The following FAAH2 variants were observed in gnomAD, a reference collection of about 807,000 sequenced individuals.
FAAH2 encodes the protein fatty-acid amide hydrolase 2.
In FAAH2, 60 loss-of-function variants were observed where a neutral mutation model predicts 36.9. The observed-to-expected ratio is 1.63, with a 90% CI of 1.32 to 2.02. FAAH2 has a LOEUF of 2.02. Ranked by LOEUF, FAAH2 falls within the 30% of genes most tolerant of loss-of-function variation. The pLI, the probability that FAAH2 is intolerant of heterozygous loss-of-function variation, is 0.00. For synonymous variants in FAAH2, 214 were observed against 143.8 expected (o/e 1.49, Z -3.49); for missense variants, 689 against 397.5 (o/e 1.73, Z -6.23).
chrX:57,452,688 A>G (rs929187711), intron 10 of FAAH2, among the ~76,000 whole-genome samples: 3 of 112,315 alleles, frequency 2.7e-5, no homozygotes, highest in Non-Finnish European at 5.6e-5. Flanking sequence ...TGAACATCCC[A>G]GAATAACAGA....
intron 10 of FAAH2, among the ~76,000 whole-genome samples, chrX:57,483,581 A>G (rs368661138): frequency 2.7e-4 from 30 of 110,292 alleles, no homozygotes; most frequent in East Asian, 8.5e-4. Context: ...CACAACATTC[A>G]GCTTTTTCAT....
rs1431675 is a variant in FAAH2 at position 57,447,073 on chromosome X, A to T, written c.1228+34A>T. The T allele has an allele frequency of 5.2e-3, 5,273 of 1,004,463 alleles. 264 individuals are homozygous for T. The East Asian group carries it at 0.14, about 27-fold the overall frequency. 82.8% of individuals were successfully genotyped at this position (1,004,463 alleles called of 1,213,427 possible). ...ATCATATTCTACCTAGACCAGTTTG[A>T]TGTCCTGTAATATTTCTTAATATCT... is the stretch of plus-strand genomic sequence containing the variant. On this transcript the variant is annotated intron_variant, in intron 9 of 10. Transcript: ENST00000374900.
the FAAH2 span, among the ~76,000 whole-genome samples, chrX:57,149,723 A>C: frequency 9.0e-6 from 1 of 110,713 alleles, no homozygotes; most frequent in Non-Finnish European, 1.9e-5. Context: ...TGGATTCATT[A>C]ATTTTTTGAA....
the FAAH2 span, among the ~76,000 whole-genome samples, chrX:57,194,957 ATGTG>A: frequency 8.3e-5 from 9 of 108,819 alleles, no homozygotes; most frequent in Admixed American, 6.9e-4. Flanking sequence ...GTGTGTGTGT[ATGTG>A]TGTGTGTGTG....
At chrX:57,474,230 C>A (rs1310649447) in intron 10 of FAAH2, among the ~76,000 whole-genome samples, 1 of 111,273 alleles carries the variant, frequency 9.0e-6, no homozygotes, top group South Asian at 3.7e-4. Flanking sequence ...CTGGGATACA[C>A]GTGTAGAATA....
At chrX:57,195,055 A>G in the FAAH2 span, among the ~76,000 whole-genome samples, 4 of 111,034 alleles carry the variant, frequency 3.6e-5, no homozygotes, top group Non-Finnish European at 5.7e-5. Flanking sequence ...TGTAATTGCA[A>G]ATTCTGCTGC....
chrX:57,161,525 C>T, the FAAH2 span, among the ~76,000 whole-genome samples: 1 of 111,176 alleles, frequency 9.0e-6, no homozygotes, highest in Non-Finnish European at 1.9e-5. Context: ...AAGGACTTGC[C>T]TTATGAATCT....
chrX:57,371,523 T>C (rs892700168), intron 5 of FAAH2, among the ~76,000 whole-genome samples: 3 of 110,877 alleles, frequency 2.7e-5, no homozygotes, highest in South Asian at 7.8e-4. Context: ...TTTCCTATTA[T>C]GAATAGTGCT....
intron 10 of FAAH2, among the ~76,000 whole-genome samples, chrX:57,463,436 C>A (rs765796643): frequency 2.2e-4 from 24 of 111,205 alleles, no homozygotes; most frequent in South Asian, 3.8e-4. Flanking sequence ...AACCAAAACA[C>A]CATAGTATTG....
chrX:57,132,997 G>T, the FAAH2 span, among the ~76,000 whole-genome samples: 1 of 111,397 alleles, frequency 9.0e-6, no homozygotes, highest in African/African-American at 3.3e-5. Context: ...CCTCCATCTG[G>T]AATGCTCCTT....
chrX:57,431,757 G>GTTTTTGTT (rs1328898159), intron 7 of FAAH2, among the ~76,000 whole-genome samples, 161 bp from the exon 8 acceptor site: 875 of 37,635 alleles, frequency 0.023, 47 homozygotes, highest in African/African-American at 0.058. Flanking sequence ...GTTTTGTTTT[G>GTTTTTGTT]TTTTTGTTTT....
chrX:57,178,619 A>G, the FAAH2 span, among the ~76,000 whole-genome samples: 1 of 111,873 alleles, frequency 8.9e-6, no homozygotes. Flanking sequence ...ATGTGGGTGC[A>G]AGCAGCAGCT....
chrX:57,484,189 G>A (rs2057432193), intron 10 of FAAH2, among the ~76,000 whole-genome samples: 1 of 110,570 alleles, frequency 9.0e-6, no homozygotes, highest in African/African-American at 3.3e-5. Flanking sequence ...TGTGGCACAA[G>A]AAGATGGGTA....
chrX:57,323,339 G>C (rs1257955680), intron 3 of FAAH2, among the ~76,000 whole-genome samples: 1 of 111,512 alleles, frequency 9.0e-6, no homozygotes, highest in Admixed American at 9.6e-5. Flanking sequence ...AATCTTTTGG[G>C]TATATATCCA....
At chrX:57,399,407 C>G (rs765710299) in intron 7 of FAAH2, among the ~76,000 whole-genome samples, 85 of 111,898 alleles carry the variant, frequency 7.6e-4, no homozygotes, top group African/African-American at 2.7e-3. Flanking sequence ...AAGTATTTTC[C>G]CTTCTTCAGT....
At chrX:57,415,451 C>A (rs762850663) in intron 7 of FAAH2, among the ~76,000 whole-genome samples, 1 of 111,780 alleles carries the variant, frequency 8.9e-6, no homozygotes, top group South Asian at 3.7e-4. Flanking sequence ...CTTCAAAGAA[C>A]TTCTTTACTT....
At chrX:57,249,550 G>A in the FAAH2 span, among the ~76,000 whole-genome samples, 1 of 111,985 alleles carries the variant, frequency 8.9e-6, no homozygotes, top group African/African-American at 3.2e-5. Flanking sequence ...TAGCTTGAAT[G>A]TATTAATGTA....
chrX:57,403,654 C>T (rs776286533), intron 7 of FAAH2, among the ~76,000 whole-genome samples: 4 of 112,488 alleles, frequency 3.6e-5, no homozygotes, highest in South Asian at 7.4e-4. Flanking sequence ...GCAAACAGCT[C>T]GCACGTTTGA....
rs764393775 is a variant in FAAH2 at position 57,331,724 on chromosome X, G to A, written c.539G>A (p.Cys180Tyr). ...PLGITNCSELCMWYESSNKIY... is the reference protein window; with the variant it reads ...PLGITNCSELYMWYESSNKIY... ...GGCATAACCAACTGTAGTGAGTTGT[G>A]TATGTGGTATGAATCCAGTAACAAG... The change falls in exon 4 of 11, where the codon TGT becomes TAT. Residue 180 changes from cysteine (C) to tyrosine (Y), a missense_variant. Cys to Tyr is a radical substitution (Grantham distance 194, BLOSUM62 -2). Coordinates refer to ENST00000374900, the MANE Select transcript of FAAH2 (RefSeq NM_174912.4). 6 of 1,211,066 alleles carry A rather than the reference G, an allele frequency of 5.0e-6. No homozygotes were observed. In the Admixed American group the frequency reaches 1.3e-4, roughly 26 times the overall value.
Sources: allele counts gnomAD v4.1 joint callset (sites outside exome capture counted in the v4.1 genomes callset), GRCh38; gene constraint gnomAD v4.1.1; transcripts MANE v1.5; gene names NCBI Gene and HGNC (gene_info 2026-07-23, HGNC 2026-07-21).